Variants in ST8SIA6 observed in about 807,000 individuals in gnomAD.
ST8SIA6 encodes alpha-2,8-sialyltransferase 8F.
ST8SIA6 carries 39 observed loss-of-function variants against 33.6 expected under a neutral mutation model. The observed-to-expected ratio is 1.16, with a 90% confidence interval of 0.90 to 1.52. ST8SIA6 has a LOEUF of 1.52. ST8SIA6 is among the 40% of genes most tolerant of loss of function. The pLI, the probability that ST8SIA6 is intolerant of heterozygous loss-of-function variation, is 0.00. For missense variants in ST8SIA6, 441 were observed against 443.8 expected (o/e 0.99, Z 0.06); for synonymous variants, 172 against 167.2 (o/e 1.03, Z -0.22).
chr10:17,388,437 C>T (rs1362148913), intron 3 of ST8SIA6, among the ~76,000 whole-genome samples: 2 of 152,108 alleles, frequency 1.3e-5, no homozygotes, highest in African/African-American at 4.8e-5. Context: ...TCCAACACCC[C>T]CAGGGAAGGG....
At chr10:17,404,324 C>T (rs1401350753) in intron 2 of ST8SIA6, among the ~76,000 whole-genome samples, 3 of 152,066 alleles carry the variant, frequency 2.0e-5, no homozygotes. Flanking sequence ...GACGTTACGC[C>T]ATTCTACCTC....
chr10:17,374,011 AGTGTTAAT>A (rs1849811258), intron 3 of ST8SIA6, among the ~76,000 whole-genome samples: 1 of 151,616 alleles, frequency 6.6e-6, no homozygotes, highest in South Asian at 2.1e-4. Context: ...AATCTTACCA[AGTGTTAAT>A]TAAGGAATTC....
At chr10:17,358,326 A>G (rs1318674885) in intron 4 of ST8SIA6, among the ~76,000 whole-genome samples, 3 of 152,202 alleles carry the variant, frequency 2.0e-5, no homozygotes, top group Non-Finnish European at 2.9e-5. Flanking sequence ...AGGCAGAGCC[A>G]CTATATAAGG....
intron 4 of ST8SIA6, among the ~76,000 whole-genome samples, chr10:17,356,049 A>G (rs746074699): frequency 4.6e-5 from 7 of 152,108 alleles, no homozygotes; most frequent in Non-Finnish European, 8.8e-5. Flanking sequence ...TGTCTAAATC[A>G]CTCATTCTGA....
chr10:17,372,252 T>C (rs745341498), intron 3 of ST8SIA6, among the ~76,000 whole-genome samples: 1 of 152,230 alleles, frequency 6.6e-6, no homozygotes, highest in Non-Finnish European at 1.5e-5. Context: ...ATTTCTATCA[T>C]GGACGCTTGT....
intron 2 of ST8SIA6, chr10:17,413,400 T>G (rs1001237819): frequency 1.3e-5 from 2 of 152,196 alleles, no homozygotes; most frequent in African/African-American, 2.4e-5. Flanking sequence ...ATTCTCATTC[T>G]GCTTGAGCAA....
chr10:17,423,969 C>T (rs1851857560), intron 2 of ST8SIA6, among the ~76,000 whole-genome samples: 1 of 152,328 alleles, frequency 6.6e-6, no homozygotes, highest in East Asian at 1.9e-4. Flanking sequence ...GATAGCAAAT[C>T]TCCCTTGAAT....
chr10:17,453,919 G>T (rs559022856), intron 1 of ST8SIA6, among the ~76,000 whole-genome samples: 1 of 152,224 alleles, frequency 6.6e-6, no homozygotes, highest in Admixed American at 6.5e-5. Context: ...ATGCGCGCTA[G>T]AGCCCCCGCA....
chr10:17,328,305 G>T (rs1222494492), intron 5 of ST8SIA6, among the ~76,000 whole-genome samples: 1 of 152,150 alleles, frequency 6.6e-6, no homozygotes, highest in Non-Finnish European at 1.5e-5. Context: ...CTTCAGGGAG[G>T]CCTACCAACT....
intron 4 of ST8SIA6, among the ~76,000 whole-genome samples, chr10:17,351,978 A>G (rs1277662847): frequency 6.6e-6 from 1 of 152,150 alleles, no homozygotes. Flanking sequence ...CAACATGGTG[A>G]CCATAGTTCC....
At chr10:17,350,516 C>CTA (rs1441868620) in intron 4 of ST8SIA6, among the ~76,000 whole-genome samples, 1 of 152,002 alleles carries the variant, frequency 6.6e-6, no homozygotes, top group Non-Finnish European at 1.5e-5. Context: ...TAGTGAGACC[C>CTA]TATCTCAACA....
chr10:17,331,746 T>TC (rs1848309647), intron 4 of ST8SIA6, among the ~76,000 whole-genome samples, 194 bp from the exon 5 acceptor site: 1 of 152,204 alleles, frequency 6.6e-6, no homozygotes, highest in South Asian at 2.1e-4. Context: ...CTCTCTTTTT[T>TC]TTCATTCTTC....
At chr10:17,383,731 A>G (rs1371598215) in intron 3 of ST8SIA6, among the ~76,000 whole-genome samples, 2 of 152,240 alleles carry the variant, frequency 1.3e-5, no homozygotes, top group African/African-American at 2.4e-5. Context: ...TTCAGAACTC[A>G]TGGAGAGCTA....
chr10:17,369,913 G>C (rs924914894), intron 3 of ST8SIA6, among the ~76,000 whole-genome samples: 1 of 151,048 alleles, frequency 6.6e-6, no homozygotes, highest in Non-Finnish European at 1.5e-5. Flanking sequence ...TCAATCTATT[G>C]TATCTTTGAG....
At chr10:17,401,463 G>T (rs930626339) in intron 2 of ST8SIA6, among the ~76,000 whole-genome samples, 4 of 152,082 alleles carry the variant, frequency 2.6e-5, no homozygotes, top group Admixed American at 6.6e-5. Flanking sequence ...AAACGAGCCC[G>T]CATTGCCAAG....
At chr10:17,387,489 A>T (rs1408980814) in intron 3 of ST8SIA6, among the ~76,000 whole-genome samples, 1 of 148,816 alleles carries the variant, frequency 6.7e-6, no homozygotes, top group African/African-American at 2.5e-5. Context: ...CTGGTCTCGA[A>T]CTCCCCACCT....
intron 2 of ST8SIA6, among the ~76,000 whole-genome samples, chr10:17,440,495 C>T (rs553069083): frequency 5.3e-5 from 8 of 152,154 alleles, no homozygotes; most frequent in East Asian, 3.9e-4. Context: ...TGTGAGCCAC[C>T]GCACCCAGCC....
chr10:17,453,575 G>A lies in ST8SIA6; in HGVS notation c.184C>T (p.Pro62Ser). The A allele has an allele frequency of 7.6e-7, 1 of 1,323,912 alleles. No individual in the cohort carries two copies. Among genetic ancestry groups the A allele is most frequent in the Non-Finnish European group, 9.7e-7 (1 of 1,029,430 alleles). The allele number at this position is 1,323,912 out of a possible 1,614,324, so 82.0% of individuals were successfully genotyped here. Residue 62 changes from proline (P) to serine (S), a missense_variant, in exon 2 of 8, where the codon CCG becomes TCG. Pro to Ser is a moderately conservative substitution (Grantham distance 74, BLOSUM62 -1). Transcript: ENST00000377602. The stretch of plus-strand genomic sequence containing the variant: ...CCGCTGTACCTGTTAGTGGCGCGCG[G>A]TACCGCGGTCGCCGGGCTCCGGAGC... ...RTLRSPATAV[P>S]RATNSTYLNE... is the part of the protein sequence containing the mutation.
At chr10:17,324,050 G>A (rs1848048493) in intron 6 of ST8SIA6, among the ~76,000 whole-genome samples, 1 of 152,072 alleles carries the variant, frequency 6.6e-6, no homozygotes. Flanking sequence ...ATCTTCCTTT[G>A]AGTACTAATT....
Sources: gnomAD v4.1 joint callset for allele counts (sites outside exome capture counted in the v4.1 genomes callset) on GRCh38, gnomAD v4.1.1 for gene constraint, MANE v1.5 for transcripts, NCBI Gene and HGNC (gene_info 2026-07-23, HGNC 2026-07-21) for gene names.